ME1: variants seen among roughly 807,000 people sequenced by gnomAD.
ME1 encodes malic enzyme 1.
A neutral mutation model predicts 66.4 loss-of-function variants in ME1; 74 were observed. The observed-to-expected ratio is 1.11, with a 90% CI of 0.92 to 1.35. ME1 has a LOEUF of 1.35. Among genes scored for constraint, ME1 ranks in the 40% most tolerant of loss-of-function variants. The probability of loss-of-function intolerance (pLI) is 0.00; values close to 1 mark genes in which losing one functional copy is unlikely to be tolerated. For synonymous variants in ME1, 251 were observed against 235.6 expected (o/e 1.07, Z -0.60); for missense variants, 750 against 694.1 (o/e 1.08, Z -0.90).
chr6:83,384,697 T>C (rs1334146890), intron 3 of ME1, among the ~76,000 whole-genome samples: 2 of 151,924 alleles, frequency 1.3e-5, no homozygotes, highest in East Asian at 3.9e-4. Flanking sequence ...AACTTAGTCA[T>C]AAATTATTTG....
chr6:83,365,965 G>A (rs1294801543), intron 3 of ME1, among the ~76,000 whole-genome samples: 2 of 152,064 alleles, frequency 1.3e-5, no homozygotes, highest in Non-Finnish European at 1.5e-5. Flanking sequence ...CTTAAATGCT[G>A]GCATTCTCCA....
At chr6:83,226,980 T>C (rs939518825) in intron 11 of ME1, among the ~76,000 whole-genome samples, 4 of 152,166 alleles carry the variant, frequency 2.6e-5, no homozygotes, top group African/African-American at 4.8e-5. Flanking sequence ...GGTTTTACAT[T>C]GTATGCTTCA....
At chr6:83,226,960 A>G (rs1402229888) in intron 11 of ME1, among the ~76,000 whole-genome samples, 2 of 152,160 alleles carry the variant, frequency 1.3e-5, no homozygotes, top group South Asian at 2.1e-4. Context: ...CAAAGCAAAA[A>G]TAAGGTTGTG....
At chr6:83,426,688 T>C (rs575525238) in intron 1 of ME1, among the ~76,000 whole-genome samples, 2 of 152,338 alleles carry the variant, frequency 1.3e-5, no homozygotes, top group East Asian at 1.9e-4. Context: ...GCTGATTTTT[T>C]AGATGTAAAA....
chr6:83,348,984 CAAA>C (rs71545855), intron 4 of ME1, among the ~76,000 whole-genome samples: 2 of 47,178 alleles, frequency 4.2e-5, no homozygotes, highest in Non-Finnish European at 8.4e-5. Context: ...AACTCTGTCT[CAAA>C]AAAAAAAAAA....
chr6:83,356,183 T>A (rs1267319555), intron 3 of ME1, among the ~76,000 whole-genome samples: 1 of 152,126 alleles, frequency 6.6e-6, no homozygotes, highest in Non-Finnish European at 1.5e-5. Context: ...TGGAGATAAG[T>A]TTATGACCCT....
At chr6:83,217,329 A>G (rs1195142879) in intron 12 of ME1, among the ~76,000 whole-genome samples, 1 of 152,208 alleles carries the variant, frequency 6.6e-6, no homozygotes, top group Admixed American at 6.5e-5. Flanking sequence ...GTGGATGCAG[A>G]GAGGGAGTAG....
chr6:83,320,306 A>G (rs2128540198), intron 5 of ME1, among the ~76,000 whole-genome samples: 1 of 152,348 alleles, frequency 6.6e-6, no homozygotes, highest in African/African-American at 2.4e-5. Flanking sequence ...GGCAACAGAA[A>G]TTATAGCCCA....
chr6:83,368,432 T>C (rs1012378859), intron 3 of ME1, among the ~76,000 whole-genome samples: 4 of 152,084 alleles, frequency 2.6e-5, no homozygotes, highest in South Asian at 2.1e-4. Context: ...AAACGAGGCA[T>C]GCTTGTACTA....
chr6:83,390,855 G>A (rs2128549742), intron 3 of ME1, among the ~76,000 whole-genome samples: 1 of 149,184 alleles, frequency 6.7e-6, no homozygotes, highest in South Asian at 2.1e-4. Flanking sequence ...CCCCTCCCCA[G>A]CCACCCATCT....
intron 4 of ME1, among the ~76,000 whole-genome samples, chr6:83,349,015 A>AAAAAAAAAAAAAAAAAAAAAAC (rs746037012): frequency 8.1e-6 from 1 of 124,026 alleles, no homozygotes; most frequent in Admixed American, 9.5e-5. Context: ...AAAACAAAAA[A>AAAAAAAAAAAAAAAAAAAAAAC]CAGTGCATTC....
chr6:83,300,063 T>G (rs1400146570), intron 6 of ME1, among the ~76,000 whole-genome samples: 1 of 152,260 alleles, frequency 6.6e-6, no homozygotes, highest in South Asian at 2.1e-4. Context: ...TGAAGTTTTC[T>G]TTTTCTGTTG....
At chr6:83,240,979 A>T (rs1046820850) in intron 7 of ME1, among the ~76,000 whole-genome samples, 3 of 152,162 alleles carry the variant, frequency 2.0e-5, no homozygotes, top group Non-Finnish European at 4.4e-5. Flanking sequence ...ATAATTATGA[A>T]CTGTGCTAAG....
intron 6 of ME1, among the ~76,000 whole-genome samples, chr6:83,277,265 G>A (rs1273416304): frequency 6.6e-6 from 1 of 152,166 alleles, no homozygotes; most frequent in South Asian, 2.1e-4. Flanking sequence ...TATAAGTTGT[G>A]TAATGCTGAC....
chr6:83,312,900 T>C (rs1051798368), intron 6 of ME1, among the ~76,000 whole-genome samples: 3 of 152,158 alleles, frequency 2.0e-5, no homozygotes, highest in African/African-American at 7.2e-5. Context: ...ATTACAGGCA[T>C]ACGCCACCAT....
chr6:83,239,976 T>G (rs1790480705), intron 7 of ME1, among the ~76,000 whole-genome samples: 1 of 152,100 alleles, frequency 6.6e-6, no homozygotes, highest in Non-Finnish European at 1.5e-5. Flanking sequence ...AATTATTGTG[T>G]ACATCAAATA....
intron 5 of ME1, among the ~76,000 whole-genome samples, chr6:83,322,992 G>A (rs1275420331): frequency 1.3e-5 from 2 of 152,186 alleles, no homozygotes; most frequent in Non-Finnish European, 2.9e-5. Context: ...GAGAGTGGGG[G>A]CCAACATTCA....
chr6:83,346,200 G>A lies in ME1; in HGVS notation c.573C>T (p.Val191=), dbSNP rs770801395. ...GGMNPQECLP[V]ILDVGTENEE... Reference sequence around the variant, plus strand: ...CATTTTCGGTTCCCACATCCAGAATGACAGGCAGACATTCTTGAGGATTCA... The same window carrying A: ...CATTTTCGGTTCCCACATCCAGAATAACAGGCAGACATTCTTGAGGATTCA... The change falls in exon 5 of 14, where the codon GTC becomes GTT. Residue 191 remains valine (V), a synonymous_variant. Coordinates refer to ENST00000369705, the MANE Select transcript of ME1 (RefSeq NM_002395.6). 1.2e-5 allele frequency: 19 copies of A among 1,609,306 alleles called. No homozygotes were observed. The East Asian group carries it at 4.3e-4, about 36-fold the overall frequency.
intron 5 of ME1, among the ~76,000 whole-genome samples, chr6:83,333,244 T>G (rs1158597741): frequency 6.6e-6 from 1 of 152,212 alleles, no homozygotes; most frequent in Non-Finnish European, 1.5e-5. Context: ...TTTTTATTAT[T>G]AAGTGTAAAA....
Sources: allele counts gnomAD v4.1 joint callset (sites outside exome capture counted in the v4.1 genomes callset), GRCh38; gene constraint gnomAD v4.1.1; transcripts MANE v1.5; gene names NCBI Gene and HGNC (gene_info 2026-07-23, HGNC 2026-07-21).